Variants in CDON observed in about 807,000 individuals in gnomAD.
The protein encoded by CDON is cell adhesion molecule-related/down-regulated by oncogenes.
CDON carries 73 observed loss-of-function variants against 120.9 expected under a neutral mutation model. The observed-to-expected ratio is 0.60, with a 90% CI of 0.50 to 0.73. CDON has a LOEUF of 0.73. Ranked by LOEUF, CDON falls within the 30% of genes least tolerant of loss-of-function variation. CDON has a pLI of 0.00. For synonymous variants in CDON, 566 were observed against 573.5 expected, an observed-to-expected ratio of 0.99 and a Z score of 0.19; for missense variants, 1,470 against 1,587.3, an observed-to-expected ratio of 0.93 and a Z score of 1.26.
At chr11:125,983,381 C>T (rs1433696823) in intron 16 of CDON, among the ~76,000 whole-genome samples, 2 of 152,182 alleles carry the variant, frequency 1.3e-5, no homozygotes, top group African/African-American at 4.8e-5. Context: ...CATGCTGGAG[C>T]AGTCTTGAGT....
At chr11:126,017,514 T>A in intron 5 of CDON, 139 bp from the exon 6 acceptor site, 1 of 835,950 alleles carries the variant, frequency 1.2e-6, no homozygotes, top group Non-Finnish European at 1.9e-6. Flanking sequence ...TCCTTTTTAG[T>A]TGAGGATTAA....
chr11:126,021,290 T>C lies in CDON; in HGVS notation c.307A>G (p.Ile103Val), dbSNP rs1231060824. 1.2e-6 allele frequency: 2 copies of C among 1,614,018 alleles called. No individual in the cohort carries two copies. The highest frequency in any genetic ancestry group is 2.7e-5 in the African/African-American group (2 of 74,924). The change falls in exon 3 of 20, where the codon ATC (isoleucine) becomes GTC (valine). Residue 103 changes from isoleucine to valine, a missense_variant. Coordinates refer to ENST00000531738, the MANE Select transcript of CDON (RefSeq NM_001378964.1). Reference sequence around the variant, plus strand: ...GCAGGGCCACTCACAATGGCACCGATGCTATTGTTGGCAAGGCACTGGTAG... The same window carrying C: ...GCAGGGCCACTCACAATGGCACCGACGCTATTGTTGGCAAGGCACTGGTAG... ...GYYQCLANNS[I>V]GAIVSGPATV...
chr11:126,033,669 T>C (rs1380331041), intron 1 of CDON, among the ~76,000 whole-genome samples: 1 of 152,162 alleles, frequency 6.6e-6, no homozygotes, highest in Non-Finnish European at 1.5e-5. Context: ...CATTCCTTCA[T>C]GCTTACTAAA....
intron 1 of CDON, among the ~76,000 whole-genome samples, chr11:126,045,734 G>A (rs1291440969): frequency 3.3e-5 from 5 of 152,126 alleles, no homozygotes; most frequent in Non-Finnish European, 7.3e-5. Context: ...ACTTTGGGAG[G>A]CCCAGGTGGG....
chr11:126,033,861 C>T (rs1948017313), intron 1 of CDON, among the ~76,000 whole-genome samples: 1 of 152,118 alleles, frequency 6.6e-6, no homozygotes, highest in Admixed American at 6.5e-5. Flanking sequence ...TATGGGGGTT[C>T]TTTTAGAAAC....
In CDON at chr11:126,016,630, G is replaced by A. The variant is rs140654018; in HGVS notation, c.928+458C>T. Among the ~76,000 whole-genome samples the A allele has an allele frequency of 9.0e-3, 1,369 of 151,934 alleles. 9 individuals carry two copies. The highest frequency in any genetic ancestry group is 0.03 in the African/African-American group (1,259 of 41,448). ...GTATTTTTGGTAGAGATGGGGTTTCGCCATATTGCCCAAGATAGTGTTGGA... is the reference window on the plus strand; with the variant it reads ...GTATTTTTGGTAGAGATGGGGTTTCACCATATTGCCCAAGATAGTGTTGGA... On this transcript the variant is annotated intron_variant, in intron 6 of 19. Coordinates refer to ENST00000531738, the MANE Select transcript of CDON (RefSeq NM_001378964.1).
chr11:125,978,362 C>T lies in CDON; in HGVS notation c.3298G>A (p.Val1100Met), dbSNP rs1221390080. 15 of 1,608,456 alleles carry T rather than the reference C, an allele frequency of 9.3e-6. No individual in the cohort carries two copies. The highest frequency in any genetic ancestry group is 5.0e-5 in the Admixed American group (3 of 59,694). Residue 1100 changes from valine to methionine, a missense_variant, in exon 18 of 20, where the codon GTG becomes ATG. Transcript: ENST00000531738. ...LVNGGGMYTA[V>M]PQIDPLECVN... ...CACTCCAGAGGGTCAATCTGAGGCA[C>T]GGCCGTGTACATTCCACCACCCTGG...
In CDON at chr11:125,959,159, C is replaced by T. The variant is rs1275370940; in HGVS notation, c.*1783G>A. 2.0e-5 allele frequency: 3 copies of T among 152,168 alleles called. No homozygotes were observed. The highest frequency in any genetic ancestry group is 4.8e-5 in the African/African-American group (2 of 41,442). The allele number at this position is 152,168 out of a possible 1,614,324, so 9.4% of individuals were successfully genotyped here. ...CTCTTGCATAGTGACCCAGCTTAAA[C>T]AAGCACATTTTCACTAACAGTTCTA... On this transcript the variant is annotated 3_prime_UTR_variant, in exon 20 of 20. Transcript: ENST00000531738.
At chr11:125,984,953 A>T (rs769930816) in intron 15 of CDON, among the ~76,000 whole-genome samples, 47 of 152,152 alleles carry the variant, frequency 3.1e-4, no homozygotes, top group Non-Finnish European at 5.9e-4. Context: ...TACCCGGTTC[A>T]TCGGTGTTCT....
At chr11:126,037,751 T>C (rs1417620879) in intron 1 of CDON, among the ~76,000 whole-genome samples, 1 of 152,142 alleles carries the variant, frequency 6.6e-6, no homozygotes, top group Non-Finnish European at 1.5e-5. Context: ...TCTAAATGGA[T>C]TTATCTCCTT....
chr11:126,050,441 T>TG (rs1948527234), intron 1 of CDON, among the ~76,000 whole-genome samples: 1 of 151,690 alleles, frequency 6.6e-6, no homozygotes, highest in African/African-American at 2.4e-5. Flanking sequence ...TTAGTCTTCA[T>TG]GATTTCCATT....
At chr11:126,049,884 A>C (rs1023472091) in intron 1 of CDON, among the ~76,000 whole-genome samples, 5 of 152,230 alleles carry the variant, frequency 3.3e-5, no homozygotes, top group African/African-American at 9.6e-5. Flanking sequence ...GACACAAATA[A>C]CGAACTAAAA....
intron 1 of CDON, among the ~76,000 whole-genome samples, chr11:126,060,438 TC>T (rs1948770110): frequency 6.6e-6 from 1 of 152,194 alleles, no homozygotes; most frequent in Non-Finnish European, 1.5e-5. Flanking sequence ...ATTTTTCAAC[TC>T]ATTATTTATT....
intron 3 of CDON, among the ~76,000 whole-genome samples, chr11:126,020,341 CA>C (rs1379230971): frequency 6.6e-6 from 1 of 151,966 alleles, no homozygotes; most frequent in Admixed American, 6.6e-5. Context: ...CCTAGGACAT[CA>C]AAAAAATAAG....
intron 15 of CDON, among the ~76,000 whole-genome samples, chr11:125,986,179 G>C (rs935681212): frequency 1.3e-5 from 2 of 152,164 alleles, no homozygotes; most frequent in Non-Finnish European, 2.9e-5. Flanking sequence ...CATGGATGAA[G>C]CTGGAAACCA....
At chr11:126,040,590 C>T (rs1274659010) in intron 1 of CDON, among the ~76,000 whole-genome samples, 4 of 151,618 alleles carry the variant, frequency 2.6e-5, no homozygotes, top group African/African-American at 9.7e-5. Flanking sequence ...CCGAGGTGGG[C>T]GGATCACAAG....
chr11:125,968,241 A>G (rs925024390), intron 18 of CDON, among the ~76,000 whole-genome samples: 2 of 152,192 alleles, frequency 1.3e-5, no homozygotes, highest in African/African-American at 4.8e-5. Flanking sequence ...AACAATGATG[A>G]CTCGCCAGAC....
intron 18 of CDON, among the ~76,000 whole-genome samples, chr11:125,962,809 C>T (rs1945682402): frequency 6.6e-6 from 1 of 152,114 alleles, no homozygotes; most frequent in Non-Finnish European, 1.5e-5. Context: ...TTTGTACCGG[C>T]TCTGTTTATC....
chr11:125,970,251 C>T (rs567619390), intron 18 of CDON, among the ~76,000 whole-genome samples: 23 of 150,562 alleles, frequency 1.5e-4, no homozygotes, highest in Admixed American at 1.1e-3. Context: ...CTCGACTCAC[C>T]GCAACCTCTG....
Sources: gnomAD v4.1 joint callset for allele counts (sites outside exome capture counted in the v4.1 genomes callset) on GRCh38, gnomAD v4.1.1 for gene constraint, MANE v1.5 for transcripts, NCBI Gene and HGNC (gene_info 2026-07-23, HGNC 2026-07-21) for gene names.